Variants in FAM168A observed in about 807,000 individuals in gnomAD.
FAM168A encodes protein FAM168A.
Under a neutral mutation model 28.5 loss-of-function variants are expected in FAM168A, and 3 were observed. That is an observed-to-expected ratio of 0.11 (90% CI 0.05 to 0.27). The LOEUF is 0.27. FAM168A is among the 10% of genes least tolerant of loss of function. The pLI is 1.00. For synonymous variants in FAM168A, 122 were observed against 124.2 expected, an observed-to-expected ratio of 0.98 and a Z score of 0.12; for missense variants, 222 against 311.5, an observed-to-expected ratio of 0.71 and a Z score of 2.16.
At chr11:73,581,850 C>G (rs1944251204) in intron 1 of FAM168A, among the ~76,000 whole-genome samples, 1 of 152,106 alleles carries the variant, frequency 6.6e-6, no homozygotes, top group African/African-American at 2.4e-5. Context: ...TCCTGAGTAG[C>G]TGGGACTACA....
At chr11:73,596,270 G>C (rs1590762643) in intron 1 of FAM168A, among the ~76,000 whole-genome samples, 1 of 152,288 alleles carries the variant, frequency 6.6e-6, no homozygotes, top group East Asian at 1.9e-4. Flanking sequence ...TGCCTGGCTA[G>C]TTTTTAAATA....
chr11:73,446,794 C>T (rs1161993678), intron 2 of FAM168A, among the ~76,000 whole-genome samples: 1 of 152,220 alleles, frequency 6.6e-6, no homozygotes, highest in African/African-American at 2.4e-5. Flanking sequence ...TATCAACACT[C>T]TCCTAACTGG....
rs1198284037 is a variant in FAM168A, at chr11:73,403,215, A to G, written c.*3548T>C. On this transcript the variant is annotated 3_prime_UTR_variant, in exon 8 of 8. Coordinates refer to ENST00000356467, the MANE Select transcript of FAM168A (RefSeq NM_015159.3). ...GGTAAGAAAGAACAGCAACTGTCCT[A>G]TCTCATGAGGAAGAAATTAAATATG... 2 of 152,248 alleles carry G rather than the reference A, an allele frequency of 1.3e-5. No homozygotes were observed. Among genetic ancestry groups the G allele is most frequent in the African/African-American group, 2.4e-5 (1 of 41,470 alleles). 9.4% of individuals were successfully genotyped at this position (152,248 alleles called of 1,614,324 possible). A position where few individuals can be genotyped will look rare whatever the true frequency, so the allele number is the denominator to read the frequency against.
In FAM168A at chr11:73,453,764, C is replaced by T. The variant is rs149247269; in HGVS notation, c.70+14641G>A. 1.2e-3 allele frequency among the ~76,000 whole-genome samples: 180 copies of T among 152,308 alleles called. 1 individual carries two copies. The highest frequency in any genetic ancestry group is 4.1e-3 in the African/African-American group (172 of 41,570). On this transcript the variant is annotated intron_variant, in intron 2 of 7. Transcript: ENST00000356467. Reference sequence around the variant, plus strand: ...AGAACAGGCTCTCCCCACTACATTACGCAACAGAAACCATTCCAATGAGAA... The same window carrying T: ...AGAACAGGCTCTCCCCACTACATTATGCAACAGAAACCATTCCAATGAGAA...
intron 2 of FAM168A, among the ~76,000 whole-genome samples, chr11:73,453,706 A>G (rs1054439278): frequency 6.6e-6 from 1 of 152,232 alleles, no homozygotes; most frequent in South Asian, 2.1e-4. Flanking sequence ...TTAGAGGCAG[A>G]GCCAGGAGTC....
chr11:73,421,082 T>C (rs1457214674), intron 3 of FAM168A, among the ~76,000 whole-genome samples: 2 of 129,804 alleles, frequency 1.5e-5, no homozygotes, highest in African/African-American at 6.0e-5. Context: ...GGGGGGGGGG[T>C]CATGGATATG....
At chr11:73,537,999 A>G (rs938559352) in intron 1 of FAM168A, among the ~76,000 whole-genome samples, 3 of 152,142 alleles carry the variant, frequency 2.0e-5, no homozygotes, top group Admixed American at 1.3e-4. Context: ...ATCCTTTCCT[A>G]TATATTCTCT....
intron 4 of FAM168A, among the ~76,000 whole-genome samples, chr11:73,416,368 T>C (rs895213151): frequency 6.6e-6 from 1 of 152,168 alleles, no homozygotes; most frequent in Non-Finnish European, 1.5e-5. Flanking sequence ...ACGGATGCCT[T>C]TTAGACTAAT....
chr11:73,486,126 A>G (rs541045162), intron 1 of FAM168A, among the ~76,000 whole-genome samples: 2 of 152,354 alleles, frequency 1.3e-5, no homozygotes, highest in East Asian at 1.9e-4. Context: ...TGGTTGACTT[A>G]GTTTAGACAA....
chr11:73,411,625 A>G (rs970206750), intron 4 of FAM168A, 89 bp from the exon 5 acceptor site: 2 of 1,352,894 alleles, frequency 1.5e-6, no homozygotes, highest in African/African-American at 2.9e-5. Flanking sequence ...CTCCCCAGAC[A>G]AAGATGGGCT....
chr11:73,578,037 A>G (rs1314255329), intron 1 of FAM168A, among the ~76,000 whole-genome samples: 1 of 152,172 alleles, frequency 6.6e-6, no homozygotes, highest in Non-Finnish European at 1.5e-5. Context: ...TAGACCACCA[A>G]GTGAAAGCTT....
At chr11:73,449,676 T>C (rs753733092) in intron 2 of FAM168A, among the ~76,000 whole-genome samples, 2 of 152,218 alleles carry the variant, frequency 1.3e-5, no homozygotes, top group Non-Finnish European at 2.9e-5. Flanking sequence ...TCTTGACTCT[T>C]TGCCCATCCC....
intron 1 of FAM168A, among the ~76,000 whole-genome samples, chr11:73,545,683 C>CTTTTTTTTTTTTTTTTTTTTT (rs966309670): frequency 9.5e-6 from 1 of 105,174 alleles, no homozygotes; most frequent in Non-Finnish European, 1.8e-5. Context: ...ATACTATATA[C>CTTTTTTTTTTTTTTTTTTTTT]TTTTTTTTTT....
chr11:73,587,511 T>A (rs994469179), intron 1 of FAM168A, among the ~76,000 whole-genome samples: 4 of 149,706 alleles, frequency 2.7e-5, no homozygotes, highest in African/African-American at 9.8e-5. Context: ...AAAAAAGGAA[T>A]CTTCTGGAAG....
At chr11:73,449,638 G>A (rs904800927) in intron 2 of FAM168A, among the ~76,000 whole-genome samples, 4 of 152,334 alleles carry the variant, frequency 2.6e-5, no homozygotes, top group Non-Finnish European at 5.9e-5. Flanking sequence ...ACTAAGGCGG[G>A]AAGAGGGTAG....
chr11:73,572,362 C>T (rs1194653269), intron 1 of FAM168A, among the ~76,000 whole-genome samples: 2 of 152,198 alleles, frequency 1.3e-5, no homozygotes, highest in Non-Finnish European at 2.9e-5. Flanking sequence ...GCTACCACCC[C>T]GTCTGGGAGG....
At position 73,403,078 on chromosome 11, in the gene FAM168A, G is replaced by A. The variant is rs757172827; in HGVS notation, c.*3685C>T. On this transcript the variant is annotated 3_prime_UTR_variant, in exon 8 of 8. Transcript: ENST00000356467. ...TAGTTTTTTCATCTATAAAATGGAG[G>A]ACTTTGGCAACCAATGTCAAAGTAC... 8.5e-5 allele frequency: 13 copies of A among 152,160 alleles called. No individual in the cohort carries two copies. The highest frequency in any genetic ancestry group is 1.8e-4 in the Non-Finnish European group (12 of 68,034). 9.4% of individuals were successfully genotyped at this position (152,160 alleles called of 1,614,324 possible).
intron 1 of FAM168A, among the ~76,000 whole-genome samples, chr11:73,509,349 C>T (rs565403980): frequency 1.3e-5 from 2 of 152,318 alleles, no homozygotes; most frequent in South Asian, 4.1e-4. Flanking sequence ...CTTAAGAATT[C>T]CCACAGTTAC....
intron 1 of FAM168A, among the ~76,000 whole-genome samples, chr11:73,486,644 A>AT (rs1380208633): frequency 1.3e-5 from 2 of 152,142 alleles, no homozygotes; most frequent in Non-Finnish European, 2.9e-5. Flanking sequence ...TCACTGTAGA[A>AT]TTTTTCCCCT....
Sources: allele counts gnomAD v4.1 joint callset (sites outside exome capture counted in the v4.1 genomes callset), GRCh38; gene constraint gnomAD v4.1.1; transcripts MANE v1.5; gene names NCBI Gene and HGNC (gene_info 2026-07-23, HGNC 2026-07-21).